Variants in SNX29 observed in about 807,000 individuals in gnomAD.
SNX29 encodes the protein sorting nexin-29.
A neutral mutation model predicts 102.1 loss-of-function variants in SNX29; 78 were observed. That is an observed-to-expected ratio of 0.76 (90% confidence interval 0.64 to 0.92). The LOEUF (loss-of-function observed/expected upper bound fraction) is 0.92. Ranked by LOEUF, SNX29 falls within the 40% of genes least tolerant of loss-of-function variation. The pLI is 0.00. For synonymous variants in SNX29, 580 were observed against 414.5 expected (o/e 1.40, Z -4.85); for missense variants, 1,280 against 1,061.7 (o/e 1.21, Z -2.86).
chr16:12,445,053 G>GT, intron 18 of SNX29, among the ~76,000 whole-genome samples: 1 of 151,976 alleles, frequency 6.6e-6, no homozygotes, highest in Non-Finnish European at 1.5e-5. Context: ...GTTTCACCAT[G>GT]TTGGCCAGGC....
intron 18 of SNX29, among the ~76,000 whole-genome samples, chr16:12,471,490 C>T (rs1243423451): frequency 6.6e-6 from 1 of 152,150 alleles, no homozygotes; most frequent in South Asian, 2.1e-4. Flanking sequence ...AGCTGGAATT[C>T]GAACCCATTT....
intron 13 of SNX29, among the ~76,000 whole-genome samples, chr16:12,184,901 T>C (rs949620538): frequency 8.5e-5 from 13 of 152,200 alleles, no homozygotes; most frequent in African/African-American, 2.9e-4. Flanking sequence ...GGGAAAATCA[T>C]TGTGTTTCCT....
intron 12 of SNX29, 138 bp from the exon 13 acceptor site, chr16:12,129,492 A>G (rs577477471): frequency 5.1e-4 from 588 of 1,150,416 alleles, no homozygotes; most frequent in Non-Finnish European, 6.4e-4. Context: ...TTCACATGAG[A>G]TAGACTTGAA....
rs148959598 is a variant in SNX29, at chr16:12,288,523, C to G, written c.1782+10487C>G. Among the ~76,000 whole-genome samples the G allele has an allele frequency of 5.9e-3, 902 of 152,224 alleles. 7 individuals carry two copies. Among genetic ancestry groups the G allele is most frequent in the Middle Eastern group, 0.01 (3 of 294 alleles). ...CTGTGACACCGCCACTTCAATAAAG[C>G]TGTTTTCTTCTACCTCCAGCTTGCC... On this transcript the variant is annotated intron_variant, in intron 15 of 20. Transcript: ENST00000566228.
intron 18 of SNX29, among the ~76,000 whole-genome samples, chr16:12,450,887 C>T (rs1457681771): frequency 6.6e-6 from 1 of 152,074 alleles, no homozygotes; most frequent in African/African-American, 2.4e-5. Context: ...AAACCCAGAA[C>T]ACATGAGGAG....
intron 20 of SNX29, among the ~76,000 whole-genome samples, chr16:12,541,805 G>A (rs1008096963): frequency 6.6e-5 from 10 of 152,144 alleles, no homozygotes; most frequent in African/African-American, 1.9e-4. Context: ...GGTTCAGAGG[G>A]CAGGAACCAA....
intron 9 of SNX29, among the ~76,000 whole-genome samples, chr16:12,064,075 C>T (rs1335322840): frequency 6.6e-6 from 1 of 152,078 alleles, no homozygotes; most frequent in Admixed American, 6.6e-5. Flanking sequence ...CTCACCTTGT[C>T]CCGTTCCCCA....
At chr16:12,562,000 C>T (rs143532445) in intron 20 of SNX29, among the ~76,000 whole-genome samples, 2 of 152,272 alleles carry the variant, frequency 1.3e-5, no homozygotes, top group African/African-American at 4.8e-5. Flanking sequence ...ACAATGGACC[C>T]TGCAACCCAG....
intron 19 of SNX29, among the ~76,000 whole-genome samples, chr16:12,515,123 C>T (rs985963608): frequency 6.6e-6 from 1 of 152,088 alleles, no homozygotes; most frequent in Admixed American, 6.5e-5. Flanking sequence ...TCACATAGTC[C>T]TGTGGGAGGG....
At chr16:12,469,167 A>T (rs1455473564) in intron 18 of SNX29, among the ~76,000 whole-genome samples, 1 of 152,200 alleles carries the variant, frequency 6.6e-6, no homozygotes, top group African/African-American at 2.4e-5. Context: ...TAAATAATGC[A>T]TTTCCTCTTG....
At chr16:12,467,591 C>G (rs895449647) in intron 18 of SNX29, among the ~76,000 whole-genome samples, 26 of 150,766 alleles carry the variant, frequency 1.7e-4, no homozygotes, top group Admixed American at 3.3e-4. Context: ...CTGACCTGTT[C>G]GTTCATTCGT....
chr16:12,026,775 A>G (rs972504512), intron 3 of SNX29, among the ~76,000 whole-genome samples: 1 of 152,194 alleles, frequency 6.6e-6, no homozygotes, highest in African/African-American at 2.4e-5. Context: ...TCTTTAGAGC[A>G]TGTAATCTCT....
At chr16:12,541,265 A>ATTCCCCTGCTCC (rs1422950021) in intron 20 of SNX29, among the ~76,000 whole-genome samples, 1 of 152,188 alleles carries the variant, frequency 6.6e-6, no homozygotes, top group East Asian at 1.9e-4. Context: ...CAGGGAGAGA[A>ATTCCCCTGCTCC]TGACAGGAGC....
intron 14 of SNX29, among the ~76,000 whole-genome samples, chr16:12,275,865 A>G (rs987194105): frequency 1.3e-5 from 2 of 149,320 alleles, no homozygotes; most frequent in South Asian, 4.3e-4. Context: ...ATCACCTCAT[A>G]GGAAACATTT....
At chr16:12,396,609 C>T (rs1673783780) in intron 16 of SNX29, among the ~76,000 whole-genome samples, 1 of 152,216 alleles carries the variant, frequency 6.6e-6, no homozygotes, top group Non-Finnish European at 1.5e-5. Context: ...GCGTCCTCCA[C>T]ATGGATGAAA....
chr16:12,277,838 A>G, intron 14 of SNX29, 95 bp from the exon 15 acceptor site: 1 of 1,015,442 alleles, frequency 9.8e-7, no homozygotes, highest in Non-Finnish European at 1.5e-6. Flanking sequence ...TTCAGTCTGA[A>G]GTCATCTGAG....
intron 19 of SNX29, among the ~76,000 whole-genome samples, chr16:12,500,018 A>G (rs754118202): frequency 5.9e-5 from 9 of 151,508 alleles, no homozygotes; most frequent in Non-Finnish European, 1.3e-4. Context: ...TACAGATAGG[A>G]TCTTGCACTG....
At chr16:12,107,134 T>C (rs535654728) in intron 11 of SNX29, among the ~76,000 whole-genome samples, 2 of 152,270 alleles carry the variant, frequency 1.3e-5, no homozygotes, top group South Asian at 4.1e-4. Context: ...CACTTCCTAT[T>C]AACCTCACCT....
At chr16:12,243,590 A>C (rs972583105) in intron 14 of SNX29, among the ~76,000 whole-genome samples, 2 of 152,210 alleles carry the variant, frequency 1.3e-5, no homozygotes, top group South Asian at 4.1e-4. Flanking sequence ...TTCATGGAAG[A>C]CAATTTTTTC....
Sources: allele counts gnomAD v4.1 joint callset (sites outside exome capture counted in the v4.1 genomes callset), GRCh38; gene constraint gnomAD v4.1.1; transcripts MANE v1.5; gene names NCBI Gene and HGNC (gene_info 2026-07-23, HGNC 2026-07-21).